DGCR2: variants seen among roughly 807,000 people sequenced by gnomAD.
DGCR2 encodes integral membrane protein DGCR2/IDD.
In DGCR2, 24 loss-of-function variants were observed where a neutral mutation model predicts 51.6. That is an observed-to-expected ratio of 0.47 (90% CI 0.34 to 0.65). The LOEUF (loss-of-function observed/expected upper bound fraction) is 0.65, where lower values mean the gene tolerates loss of function less well. Among genes scored for constraint, DGCR2 ranks in the 30% least tolerant of loss-of-function variants. DGCR2 has a pLI of 0.01. For synonymous variants in DGCR2, 340 were observed against 315.4 expected (o/e 1.08, Z -0.82); for missense variants, 765 against 772.1 (o/e 0.99, Z 0.11).
intron 2 of DGCR2, among the ~76,000 whole-genome samples, chr22:19,073,207 T>G (rs2082835995): frequency 6.6e-6 from 1 of 152,176 alleles, no homozygotes; most frequent in African/African-American, 2.4e-5. Flanking sequence ...GAGGCTACAA[T>G]GAGCTATGAC....
chr22:19,037,747 A>T lies in DGCR2; in HGVS notation c.*1118T>A, dbSNP rs2082386394. 1 of 152,496 alleles carries T rather than the reference A, an allele frequency of 6.6e-6. No homozygotes were observed. Among genetic ancestry groups the T allele is most frequent in the Non-Finnish European group, 1.5e-5 (1 of 68,070 alleles). 9.4% of individuals were successfully genotyped at this position (152,496 alleles called of 1,614,324 possible). A position where few individuals can be genotyped will look rare whatever the true frequency, so the allele number is the denominator to read the frequency against. The stretch of plus-strand genomic sequence containing the variant: ...GTGTCAGGCAACAAAACCACTGCCC[A>T]GGAGCAGGCAACAGGGTCCGTCAGG... On this transcript the variant is annotated 3_prime_UTR_variant, in exon 10 of 10. Transcript: ENST00000263196.
At position 19,057,266 on chromosome 22, in the gene DGCR2, G is replaced by T; in HGVS notation, c.626-104C>A. 1 of 1,259,212 alleles carries T rather than the reference G, an allele frequency of 7.9e-7. No homozygotes were observed. Among genetic ancestry groups the T allele is most frequent in the Non-Finnish European group, 1.1e-6 (1 of 926,102 alleles). 78.0% of individuals were successfully genotyped at this position (1,259,212 alleles called of 1,614,324 possible). On this transcript the variant is annotated intron_variant, in intron 5 of 9. Coordinates refer to ENST00000263196, the MANE Select transcript of DGCR2 (RefSeq NM_005137.3). The surrounding 1 kb of genome is among the most constrained non-coding windows in gnomAD (Gnocchi z 5.1). ...GTCAGACAGGATCATCAACCACAGG[G>T]CCTGGACCGCCAAGTACTGGTGGTC...
intron 7 of DGCR2, among the ~76,000 whole-genome samples, chr22:19,044,199 G>A (rs1257830739): frequency 2.0e-5 from 3 of 152,230 alleles, no homozygotes; most frequent in Non-Finnish European, 4.4e-5. Context: ...GCCACTTGTA[G>A]TCAAGCACAA....
chr22:19,071,746 A>G (rs757016122), intron 2 of DGCR2, among the ~76,000 whole-genome samples: 1 of 152,266 alleles, frequency 6.6e-6, no homozygotes, highest in Non-Finnish European at 1.5e-5. Context: ...TAATGAAAAG[A>G]ATCTGAATAT....
intron 2 of DGCR2, among the ~76,000 whole-genome samples, chr22:19,073,094 G>GAAAAAT (rs1343356135): frequency 6.6e-6 from 1 of 151,718 alleles, no homozygotes; most frequent in Non-Finnish European, 1.5e-5. Flanking sequence ...CTGTCTCTAT[G>GAAAAAT]AAAAATAAAA....
intron 2 of DGCR2, among the ~76,000 whole-genome samples, chr22:19,074,245 T>C (rs1338799578): frequency 6.6e-6 from 1 of 151,776 alleles, no homozygotes; most frequent in South Asian, 2.1e-4. Flanking sequence ...GCCAACATGG[T>C]GAAACCCTGT....
intron 2 of DGCR2, among the ~76,000 whole-genome samples, chr22:19,073,968 C>T (rs2082844897): frequency 6.6e-6 from 1 of 152,114 alleles, no homozygotes; most frequent in South Asian, 2.1e-4. Context: ...CAGGTGAGGA[C>T]CACCAGGGGC....
At chr22:19,111,964 T>C (rs2083320430) in intron 1 of DGCR2, among the ~76,000 whole-genome samples, 1 of 150,690 alleles carries the variant, frequency 6.6e-6, no homozygotes, top group Non-Finnish European at 1.5e-5. Context: ...AAATGAAAAA[T>C]AATTATTTTT....
In DGCR2 at chr22:19,122,174, C is replaced by A; in HGVS notation, c.33G>T (p.Leu11=). The change falls in exon 1 of 10, where the codon CTG becomes CTT. Residue 11 remains leucine (L), a synonymous_variant. Transcript: ENST00000263196. MVPKADSGAF[L]LLFLLVLTVT... ...CAGTGAGCACGAGCAGGAAGAGCAG[C>A]AGGAAGGCGCCGCTGTCTGCCTTGG... 2 of 1,511,766 alleles carry A rather than the reference C, an allele frequency of 1.3e-6. No individual in the cohort carries two copies. The highest frequency in any genetic ancestry group is 8.9e-7 in the Non-Finnish European group (1 of 1,129,652). The allele number at this position is 1,511,766 out of a possible 1,614,324, so 93.6% of individuals were successfully genotyped here. A position where few individuals can be genotyped will look rare whatever the true frequency, so the allele number is the denominator to read the frequency against.
At chr22:19,073,752 C>T (rs1223087590) in intron 2 of DGCR2, among the ~76,000 whole-genome samples, 1 of 152,240 alleles carries the variant, frequency 6.6e-6, no homozygotes, top group Admixed American at 6.5e-5. Flanking sequence ...ACACTTCAGA[C>T]ATGCAAACAA....
intron 2 of DGCR2, among the ~76,000 whole-genome samples, chr22:19,070,663 A>G (rs915681766): frequency 6.6e-6 from 1 of 152,250 alleles, no homozygotes; most frequent in African/African-American, 2.4e-5. Context: ...GAAATATTTC[A>G]GAAACATAAC....
Position 19,041,888 on chromosome 22 carries a change from T to G in DGCR2, c.1078A>C (p.Ile360Leu). The G allele has an allele frequency of 6.2e-7, 1 of 1,613,474 alleles. No individual in the cohort carries two copies. Reference protein sequence around the residue: ...LVVSCISSFLILSLLLFMVHR... With the variant: ...LVVSCISSFLLLSLLLFMVHR... ...ACCATGAAGAGCAGCAGTGACAGGA[T>G]GAGGAAGGAGGAGATGCAGCTGACG... The change falls in exon 8 of 10, where the codon ATC becomes CTC. Residue 360 changes from isoleucine to leucine, a missense_variant. Physicochemically the swap from Ile to Leu is conservative, Grantham distance 5 (BLOSUM62 2). Coordinates refer to ENST00000263196, the MANE Select transcript of DGCR2 (RefSeq NM_005137.3).
At chr22:19,069,432 G>A (rs1182107243) in intron 2 of DGCR2, among the ~76,000 whole-genome samples, 2 of 152,100 alleles carry the variant, frequency 1.3e-5, no homozygotes, top group Non-Finnish European at 2.9e-5. Flanking sequence ...TGAAATGCTT[G>A]AAAAATACAA....
chr22:19,073,721 A>AT (rs1263584442), intron 2 of DGCR2, among the ~76,000 whole-genome samples: 2 of 152,268 alleles, frequency 1.3e-5, no homozygotes, highest in African/African-American at 4.8e-5. Flanking sequence ...AGCCAAACTT[A>AT]TGTGCAAAGG....
rs1302566653 is a variant in DGCR2, at chr22:19,044,799, ATCT to A, written c.1007-2843_1007-2841del. ...TCTTTGATAAAGTTTAATAATTTACATCTTCTTCTAAAGCCATTTTTCAATAGC... is the reference window on the plus strand; with the variant it reads ...TCTTTGATAAAGTTTAATAATTTACATCTTCTAAAGCCATTTTTCAATAGC... On this transcript the variant is annotated intron_variant, in intron 7 of 9. Transcript: ENST00000263196. Among the ~76,000 whole-genome samples the A allele has an allele frequency of 3.3e-5, 5 of 152,292 alleles. No homozygotes were observed. In the East Asian group the frequency reaches 9.6e-4, roughly 29 times the overall value.
chr22:19,096,953 C>G (rs896765309), intron 1 of DGCR2, among the ~76,000 whole-genome samples: 79 of 152,032 alleles, frequency 5.2e-4, no homozygotes, highest in African/African-American at 1.8e-3. Flanking sequence ...ATGTCACAGC[C>G]CTCCAAATCT....
intron 1 of DGCR2, among the ~76,000 whole-genome samples, chr22:19,091,712 G>T (rs2083080783): frequency 6.6e-6 from 1 of 151,716 alleles, no homozygotes; most frequent in African/African-American, 2.4e-5. Context: ...AGGAGTTCGA[G>T]ACCAGCCTGG....
Position 19,057,135 on chromosome 22 carries a change from T to C in DGCR2, c.653A>G (p.Asp218Gly). The change falls in exon 6 of 10, where the codon GAC (aspartate) becomes GGC (glycine). Residue 218 changes from aspartate to glycine, a missense_variant. Physicochemically the swap from Asp to Gly is moderately conservative, Grantham distance 94. Transcript: ENST00000263196. This position sits in a 1 kb window ranked among gnomAD's most constrained non-coding sequence, Gnocchi z 5.1. ...AGACATGGCCGAGGCAAAGATGGGGTCTGGGGGCAGGAACACCTCTGAAGA... is the reference window on the plus strand; with the variant it reads ...AGACATGGCCGAGGCAAAGATGGGGCCTGGGGGCAGGAACACCTCTGAAGA... ...KGSSEVFLPP[D>G]PIFASAMSEN... 1.2e-6 allele frequency: 2 copies of C among 1,607,698 alleles called. No homozygotes were observed. Among genetic ancestry groups the C allele is most frequent in the Non-Finnish European group, 1.7e-6 (2 of 1,177,276 alleles).
chr22:19,092,473 AT>A (rs1306906815), intron 1 of DGCR2, among the ~76,000 whole-genome samples: 1 of 152,248 alleles, frequency 6.6e-6, no homozygotes, highest in Non-Finnish European at 1.5e-5. Context: ...AAATCTGACA[AT>A]TTGGATGAAA....
Sources: allele counts gnomAD v4.1 joint callset (sites outside exome capture counted in the v4.1 genomes callset), GRCh38; gene constraint gnomAD v4.1.1; non-coding constraint Gnocchi (gnomAD v3.1); transcripts MANE v1.5; gene names NCBI Gene and HGNC (gene_info 2026-07-23, HGNC 2026-07-21).